Variants in CSMD3 observed in about 807,000 individuals in gnomAD.
CSMD3 encodes CUB and sushi domain-containing protein 3.
Under a neutral mutation model 435.2 loss-of-function variants are expected in CSMD3, and 177 were observed. That is an observed-to-expected ratio of 0.41 (90% CI 0.36 to 0.46). The LOEUF is 0.46. CSMD3 is among the 20% of genes least tolerant of loss of function. CSMD3 has a pLI of 0.34. For synonymous variants in CSMD3, 1,656 were observed against 1,520.5 expected (o/e 1.09, Z -2.07); for missense variants, 4,265 against 4,504.6 (o/e 0.95, Z 1.52).
At chr8:112,867,271 A>G (rs533489533) in intron 10 of CSMD3, among the ~76,000 whole-genome samples, 3 of 152,040 alleles carry the variant, frequency 2.0e-5, no homozygotes, top group Non-Finnish European at 2.9e-5. Flanking sequence ...TGGTATTTGA[A>G]TTTTATTCTT....
chr8:113,155,242 C>A (rs1366935012), intron 4 of CSMD3, among the ~76,000 whole-genome samples: 1 of 151,968 alleles, frequency 6.6e-6, no homozygotes, highest in Non-Finnish European at 1.5e-5. Flanking sequence ...ATCAACAATT[C>A]TGTTAGTACT....
At chr8:112,717,887 G>T (rs944217568) in intron 13 of CSMD3, among the ~76,000 whole-genome samples, 2 of 151,980 alleles carry the variant, frequency 1.3e-5, no homozygotes, top group Admixed American at 6.6e-5. Context: ...ACAGGGAGGG[G>T]AATAACACAC....
intron 10 of CSMD3, among the ~76,000 whole-genome samples, chr8:112,896,201 C>T (rs1337686568): frequency 1.3e-5 from 2 of 151,382 alleles, no homozygotes; most frequent in Non-Finnish European, 3.0e-5. Flanking sequence ...AGAAGTCTAA[C>T]ACCTACATAG....
intron 1 of CSMD3, among the ~76,000 whole-genome samples, chr8:113,389,184 C>A (rs2094451382): frequency 1.3e-5 from 2 of 151,638 alleles, no homozygotes; most frequent in South Asian, 4.1e-4. Flanking sequence ...AGACCAAGAA[C>A]ACATATTCAG....
At chr8:112,265,051 C>T (rs1816804653) in intron 60 of CSMD3, among the ~76,000 whole-genome samples, 1 of 152,002 alleles carries the variant, frequency 6.6e-6, no homozygotes, top group African/African-American at 2.4e-5. Context: ...CCTTGAATTA[C>T]TTGACCCAAG....
intron 13 of CSMD3, among the ~76,000 whole-genome samples, chr8:112,772,468 C>G (rs988439996): frequency 6.6e-6 from 1 of 152,062 alleles, no homozygotes; most frequent in Non-Finnish European, 1.5e-5. Context: ...CAAAACACTG[C>G]GGAAGGCCGC....
At chr8:112,473,847 C>T (rs998593820) in intron 31 of CSMD3, among the ~76,000 whole-genome samples, 3 of 151,424 alleles carry the variant, frequency 2.0e-5, no homozygotes, top group African/African-American at 7.3e-5. Context: ...GATTAGGAGC[C>T]ATCCTTCTTG....
chr8:112,603,640 T>C (rs984101215), intron 22 of CSMD3, among the ~76,000 whole-genome samples: 1 of 152,212 alleles, frequency 6.6e-6, no homozygotes, highest in Non-Finnish European at 1.5e-5. Context: ...GGACATTTTA[T>C]GGTAGTAAAT....
intron 10 of CSMD3, among the ~76,000 whole-genome samples, chr8:112,886,024 T>C (rs1308774231): frequency 6.6e-6 from 1 of 151,756 alleles, no homozygotes; most frequent in Non-Finnish European, 1.5e-5. Flanking sequence ...CTTTTTACAT[T>C]TATTAAATAG....
At chr8:112,762,313 T>C (rs1384695235) in intron 13 of CSMD3, among the ~76,000 whole-genome samples, 2 of 151,938 alleles carry the variant, frequency 1.3e-5, no homozygotes, top group African/African-American at 4.8e-5. Context: ...ACATGTATTG[T>C]CATAAATAAA....
At chr8:112,557,995 A>T (rs1554614277) in intron 24 of CSMD3, among the ~76,000 whole-genome samples, 3 of 151,874 alleles carry the variant, frequency 2.0e-5, no homozygotes, top group Non-Finnish European at 4.4e-5. Context: ...ATTAACTGCA[A>T]GTAGTGTTAG....
At chr8:113,274,587 T>C (rs1369947482) in intron 3 of CSMD3, among the ~76,000 whole-genome samples, 1 of 152,054 alleles carries the variant, frequency 6.6e-6, no homozygotes, top group Non-Finnish European at 1.5e-5. Context: ...CATAGACAGT[T>C]TGAAAAATGT....
At chr8:112,405,178 T>A in intron 35 of CSMD3, among the ~76,000 whole-genome samples, 1 of 47,156 alleles carries the variant, frequency 2.1e-5, no homozygotes, top group East Asian at 9.4e-4. Context: ...AGCAAGACTC[T>A]CTCTCAAAAA....
chr8:112,997,081 C>T (rs930113773), intron 6 of CSMD3, among the ~76,000 whole-genome samples: 1 of 151,160 alleles, frequency 6.6e-6, no homozygotes, highest in Non-Finnish European at 1.5e-5. Flanking sequence ...GAAAAGTAAC[C>T]ACATCATAAG....
intron 7 of CSMD3, among the ~76,000 whole-genome samples, chr8:112,968,016 G>A (rs550397218): frequency 6.6e-6 from 1 of 151,920 alleles, no homozygotes; most frequent in Non-Finnish European, 1.5e-5. Context: ...AAATAACACT[G>A]CCTAAAAGAA....
chr8:113,282,627 A>T (rs141847165), intron 2 of CSMD3, among the ~76,000 whole-genome samples: 234 of 152,264 alleles, frequency 1.5e-3, no homozygotes, highest in African/African-American at 5.5e-3. Context: ...ATAGATGAGG[A>T]GAATCAATGT....
intron 1 of CSMD3, among the ~76,000 whole-genome samples, chr8:113,362,250 T>C (rs2094282301): frequency 6.6e-6 from 1 of 152,144 alleles, no homozygotes; most frequent in Non-Finnish European, 1.5e-5. Flanking sequence ...AGATTAGACA[T>C]TAGATTATTT....
intron 1 of CSMD3, among the ~76,000 whole-genome samples, chr8:113,413,992 T>C (rs1208141893): frequency 6.6e-6 from 1 of 152,070 alleles, no homozygotes; most frequent in Admixed American, 6.6e-5. Context: ...TGCTTGAAAA[T>C]AGGAAACAGA....
At chr8:112,440,185 C>A (rs1383947047) in intron 32 of CSMD3, among the ~76,000 whole-genome samples, 1 of 152,144 alleles carries the variant, frequency 6.6e-6, no homozygotes, top group Admixed American at 6.5e-5. Context: ...TGTATCAGTT[C>A]CAAATGGGAG....
Sources: allele counts gnomAD v4.1 joint callset (sites outside exome capture counted in the v4.1 genomes callset), GRCh38; gene constraint gnomAD v4.1.1; transcripts MANE v1.5; gene names NCBI Gene and HGNC (gene_info 2026-07-23, HGNC 2026-07-21).